OSBPL10: variants seen among roughly 807,000 people sequenced by gnomAD.
The protein encoded by OSBPL10 is oxysterol binding protein like 10, also known as oxysterol-binding protein-related protein 10.
OSBPL10 carries 49 observed loss-of-function variants against 81.7 expected under a neutral mutation model. That is an observed-to-expected ratio of 0.60 (90% CI 0.48 to 0.76). OSBPL10 has a LOEUF of 0.76. Ranked by LOEUF, OSBPL10 falls within the 30% of genes least tolerant of loss-of-function variation. OSBPL10 has a pLI of 0.00. For missense variants in OSBPL10, 923 were observed against 987.8 expected (o/e 0.93, Z 0.88); for synonymous variants, 419 against 383.6 (o/e 1.09, Z -1.08).
chr3:31,768,376 A>C (rs9832696), intron 4 of OSBPL10, among the ~76,000 whole-genome samples: 8,328 of 152,124 alleles, frequency 0.055, 745 homozygotes, highest in African/African-American at 0.19. Context: ...TAATCTGACC[A>C]TTTATAGAAG....
In OSBPL10 at chr3:31,856,978, G is replaced by A. The variant is rs146677601; in HGVS notation, c.537+19455C>T. Reference sequence around the variant, plus strand: ...GTATTCCCAGCTACGTGGGTGAATCGCCTGAACCTGGGCGGTGGAGGGTTC... The same window carrying A: ...GTATTCCCAGCTACGTGGGTGAATCACCTGAACCTGGGCGGTGGAGGGTTC... On this transcript the variant is annotated intron_variant, in intron 3 of 11. Transcript: ENST00000396556. Among the ~76,000 whole-genome samples, 68 of 152,216 alleles carry A rather than the reference G, an allele frequency of 4.5e-4. 1 individual carries two copies. Among genetic ancestry groups the A allele is most frequent in the Middle Eastern group, 6.8e-3 (2 of 294 alleles).
At chr3:31,897,806 G>A (rs1040653731) in intron 1 of OSBPL10, among the ~76,000 whole-genome samples, 4 of 151,692 alleles carry the variant, frequency 2.6e-5, no homozygotes, top group Non-Finnish European at 5.9e-5. Flanking sequence ...TCAGGAGTTC[G>A]AGACCAGCCT....
chr3:31,804,632 G>A (rs1014158684), intron 4 of OSBPL10, among the ~76,000 whole-genome samples: 1 of 152,168 alleles, frequency 6.6e-6, no homozygotes, highest in African/African-American at 2.4e-5. Flanking sequence ...CACCATTAAA[G>A]GTAGAGCTCC....
chr3:31,796,396 A>G (rs1489511326), intron 4 of OSBPL10, among the ~76,000 whole-genome samples: 1 of 151,846 alleles, frequency 6.6e-6, no homozygotes, highest in Non-Finnish European at 1.5e-5. Flanking sequence ...TAATCTAGAG[A>G]TGATTTAGAG....
At chr3:32,053,991 A>G (rs114889180) in intron 1 of OSBPL10, among the ~76,000 whole-genome samples, 1,625 of 152,288 alleles carry the variant, frequency 0.011, 40 homozygotes, top group African/African-American at 0.036. Flanking sequence ...AAAGAAAGAA[A>G]GAAATTTTTG....
At chr3:31,836,010 C>T (rs1048952088) in intron 3 of OSBPL10, among the ~76,000 whole-genome samples, 2 of 152,076 alleles carry the variant, frequency 1.3e-5, no homozygotes. Flanking sequence ...ATTTGCATTG[C>T]TTTTTGTTTT....
intron 1 of OSBPL10, among the ~76,000 whole-genome samples, chr3:31,913,088 G>A (rs957574101): frequency 2.0e-5 from 3 of 152,086 alleles, no homozygotes; most frequent in African/African-American, 7.2e-5. Flanking sequence ...TTTCTAAAAT[G>A]CCATTTGGGG....
chr3:31,876,313 C>T lies in OSBPL10; in HGVS notation c.537+120G>A, dbSNP rs1179538593. 6.4e-6 allele frequency: 5 copies of T among 776,562 alleles called. No individual in the cohort carries two copies. The East Asian group carries it at 1.0e-4, about 16-fold the overall frequency. The allele number at this position is 776,562 out of a possible 1,614,324, so 48.1% of individuals were successfully genotyped here. ...ATGTGCAGCAGGACAAGTAGGAATT[C>T]CACTGCAGTGGGCAACTTAAAAAAT... On this transcript the variant is annotated intron_variant, in intron 3 of 11. Coordinates refer to ENST00000396556, the MANE Select transcript of OSBPL10 (RefSeq NM_017784.5).
At chr3:31,884,913 G>GA (rs989684671) in intron 1 of OSBPL10, among the ~76,000 whole-genome samples, 86 of 150,968 alleles carry the variant, frequency 5.7e-4, no homozygotes, top group Middle Eastern at 3.4e-3. Context: ...AATAAAAGAG[G>GA]AAAAAAAAAT....
intron 2 of OSBPL10, among the ~76,000 whole-genome samples, chr3:32,043,539 A>G (rs1699595398): frequency 1.3e-5 from 2 of 152,222 alleles, no homozygotes; most frequent in Admixed American, 1.3e-4. Context: ...TGAAAGTATT[A>G]TTTGGGAACT....
chr3:31,699,250 T>TA (rs1695819968), intron 7 of OSBPL10, among the ~76,000 whole-genome samples: 1 of 152,202 alleles, frequency 6.6e-6, no homozygotes. Context: ...AGGCTTCCCA[T>TA]AGCCCTCAGG....
chr3:31,730,222 T>C (rs1238690095), intron 6 of OSBPL10, among the ~76,000 whole-genome samples: 1 of 151,846 alleles, frequency 6.6e-6, no homozygotes, highest in Admixed American at 6.6e-5. Flanking sequence ...CTGCCTGTAA[T>C]CCCAGCTACT....
rs142338509 is a variant in OSBPL10 at position 31,909,197 on chromosome 3, G to C, written c.282-29367C>G. ...TCAGATGGCTGGCCTTGGCCCTCCAGTGGTCTCTCAAAGCTATATTTCTGT... is the reference window on the plus strand; with the variant it reads ...TCAGATGGCTGGCCTTGGCCCTCCACTGGTCTCTCAAAGCTATATTTCTGT... On this transcript the variant is annotated intron_variant, in intron 1 of 11. Transcript: ENST00000396556. Among the ~76,000 whole-genome samples, 501 of 152,320 alleles carry C rather than the reference G, an allele frequency of 3.3e-3. 2 individuals carry two copies. The highest frequency in any genetic ancestry group is 0.011 in the African/African-American group (456 of 41,566).
intron 4 of OSBPL10, among the ~76,000 whole-genome samples, chr3:31,796,815 G>C (rs551140954): frequency 2.0e-5 from 3 of 151,916 alleles, no homozygotes; most frequent in Non-Finnish European, 4.4e-5. Context: ...TTTTACCTTA[G>C]GCTTCCCCAC....
At chr3:32,024,099 T>C (rs72855531) in intron 2 of OSBPL10, among the ~76,000 whole-genome samples, 2,381 of 152,330 alleles carry the variant, frequency 0.016, 58 homozygotes, top group African/African-American at 0.054. Flanking sequence ...ACTGTCTTGA[T>C]TACTGTCGTT....
chr3:31,991,140 A>G (rs1447103128), intron 2 of OSBPL10: 39 of 769,164 alleles, frequency 5.1e-5, no homozygotes, highest in Non-Finnish European at 8.0e-5. Flanking sequence ...AATTGACATT[A>G]AAGTGTTTAC....
At chr3:31,783,110 AT>A (rs1332863788) in intron 4 of OSBPL10, among the ~76,000 whole-genome samples, 2 of 97,440 alleles carry the variant, frequency 2.1e-5, no homozygotes, top group African/African-American at 1.0e-4. Flanking sequence ...CAATATATCT[AT>A]TATATATATA....
chr3:31,703,656 A>G (rs1695967928), intron 6 of OSBPL10: 1 of 152,232 alleles, frequency 6.6e-6, no homozygotes, highest in South Asian at 2.1e-4. Flanking sequence ...AAGAGAGGTA[A>G]TAACGGTGTT....
chr3:31,966,436 TTAGAA>T (rs1165766251), intron 1 of OSBPL10, among the ~76,000 whole-genome samples: 24 of 151,418 alleles, frequency 1.6e-4, no homozygotes, highest in Non-Finnish European at 3.1e-4. Flanking sequence ...ATAAAAAATA[TTAGAA>T]TAGAAATCAA....
Sources: gnomAD v4.1 joint callset for allele counts (sites outside exome capture counted in the v4.1 genomes callset) on GRCh38, gnomAD v4.1.1 for gene constraint, MANE v1.5 for transcripts, NCBI Gene and HGNC (gene_info 2026-07-23, HGNC 2026-07-21) for gene names.